The following CTC1 variants were observed in gnomAD, a reference collection of about 807,000 sequenced individuals.
CTC1 encodes CST complex subunit CTC1.
In CTC1, 91 loss-of-function variants were observed where a neutral mutation model predicts 136.3. That is an observed-to-expected ratio of 0.67 (90% CI 0.56 to 0.79). CTC1 has a LOEUF of 0.79. Among genes scored for constraint, CTC1 ranks in the 30% least tolerant of loss-of-function variants. CTC1 has a pLI of 0.00. For missense variants in CTC1, 1,432 were observed against 1,498.1 expected (o/e 0.96, Z 0.73); for synonymous variants, 606 against 613.8 (o/e 0.99, Z 0.19).
At chr17:8,239,228 GGAAAT>G (rs1466895393) in intron 2 of CTC1, among the ~76,000 whole-genome samples, 1 of 152,150 alleles carries the variant, frequency 6.6e-6, no homozygotes, top group African/African-American at 2.4e-5. Flanking sequence ...AGGGGCCTGA[GGAAAT>G]GAATGTGTGG....
In CTC1 at chr17:8,236,442, T is replaced by C. The variant is rs58532865; in HGVS notation, c.793-100A>G. 368,844 of 1,246,816 alleles carry C rather than the reference T, an allele frequency of 0.3. 56,528 individuals carry two copies. The highest frequency in any genetic ancestry group is 0.47 in the Admixed American group (20,376 of 42,940). 77.2% of individuals were successfully genotyped at this position (1,246,816 alleles called of 1,614,324 possible). On this transcript the variant is annotated intron_variant, in intron 5 of 22. Coordinates refer to ENST00000651323, the MANE Select transcript of CTC1 (RefSeq NM_025099.6). ...ACGATTTGAACTCAGAGACCTGCCCTCTGTGAGTCTCAACTCACCTCTCCA... is the reference window on the plus strand; with the variant it reads ...ACGATTTGAACTCAGAGACCTGCCCCCTGTGAGTCTCAACTCACCTCTCCA...
intron 7 of CTC1, 57 bp from the exon 8 acceptor site, chr17:8,235,342 C>T: frequency 7.3e-7 from 1 of 1,364,746 alleles, no homozygotes; most frequent in Non-Finnish European, 1.0e-6. Flanking sequence ...CTCAATGAAC[C>T]CAGGCAGAGT....
chr17:8,232,301 C>T (rs989256200), intron 12 of CTC1, 60 bp downstream of exon 12: 1 of 1,576,214 alleles, frequency 6.3e-7, no homozygotes. Context: ...CATCCCACTC[C>T]TTCCACCAGG....
Position 8,229,552 on chromosome 17 carries a change from G to T in CTC1, c.3012-106C>A, listed in dbSNP as rs1413999657. 5.5e-6 allele frequency: 5 copies of T among 911,510 alleles called. No homozygotes were observed. The Admixed American group carries it at 1.2e-4, about 21-fold the overall frequency. 56.5% of individuals were successfully genotyped at this position (911,510 alleles called of 1,614,324 possible). A position where few individuals can be genotyped will look rare whatever the true frequency, so the allele number is the denominator to read the frequency against. On this transcript the variant is annotated intron_variant, in intron 18 of 22. Transcript: ENST00000651323. Reference sequence around the variant, plus strand: ...AAGGACTTAGAGGGCATCAGGATGGGGACAGCAGTGGGTTCCATGCGCTCC... The same window carrying T: ...AAGGACTTAGAGGGCATCAGGATGGTGACAGCAGTGGGTTCCATGCGCTCC...
intron 2 of CTC1, among the ~76,000 whole-genome samples, chr17:8,239,223 C>T (rs1988016003): frequency 6.6e-6 from 1 of 151,712 alleles, no homozygotes. Context: ...GCATGAGGGG[C>T]CTGAGGAAAT....
rs191057012 is a variant in CTC1, at chr17:8,227,356, G to C, written c.*824C>G. ...CCCTAATTGTACGGTTGTGATTTCG[G>C]AGCACCTTCTGGTCTCAAGGTATAT... On this transcript the variant is annotated 3_prime_UTR_variant, in exon 23 of 23. Transcript: ENST00000651323. 5 of 152,238 alleles carry C rather than the reference G, an allele frequency of 3.3e-5. No individual in the cohort carries two copies. Among genetic ancestry groups the C allele is most frequent in the African/African-American group, 7.2e-5 (3 of 41,524 alleles). 9.4% of individuals were successfully genotyped at this position (152,238 alleles called of 1,614,324 possible). A position where few individuals can be genotyped will look rare whatever the true frequency, so the allele number is the denominator to read the frequency against.
chr17:8,235,916 T>C lies in CTC1; in HGVS notation c.1121A>G (p.Glu374Gly), dbSNP rs561634242. ...GVLNEPAGLY[E>G]LDGQLGLCLA... is the part of the protein sequence containing the mutation. ...GCAGAGCCCCAGCTGCCCATCCAGCTCATAGAGGCCAGCGGGCTCATTCAA... is the reference window on the plus strand; with the variant it reads ...GCAGAGCCCCAGCTGCCCATCCAGCCCATAGAGGCCAGCGGGCTCATTCAA... Residue 374 changes from glutamate (E) to glycine (G), a missense_variant, in exon 7 of 23, where the codon GAG (glutamate) becomes GGG (glycine). Physicochemically the swap from Glu to Gly is moderately conservative, Grantham distance 98 (BLOSUM62 -2). Transcript: ENST00000651323. 4 of 1,613,604 alleles carry C rather than the reference T, an allele frequency of 2.5e-6. No homozygotes were observed. In the Admixed American group the frequency reaches 6.7e-5, roughly 27 times the overall value.
Position 8,228,109 on chromosome 17 carries a change from G to A in CTC1, c.*71C>T, listed in dbSNP as rs116523089. On this transcript the variant is annotated 3_prime_UTR_variant, in exon 23 of 23. Transcript: ENST00000651323. ...CTTGGTTCAATCACAGAACAAGTAG[G>A]GAGAGGAGCCAGGACCTAGGCCTTC... 1.7e-4 allele frequency: 250 copies of A among 1,429,660 alleles called. 1 individual carries two copies. The African/African-American group carries it at 3.4e-3, about 19-fold the overall frequency. 88.6% of individuals were successfully genotyped at this position (1,429,660 alleles called of 1,614,324 possible).
rs1322075772 is a variant in CTC1, at chr17:8,225,661, G to A, written c.*2519C>T. On this transcript the variant is annotated 3_prime_UTR_variant, in exon 23 of 23. Transcript: ENST00000651323. ...TGCACCCTGCTGCACGAAACCTGGT[G>A]CCAGGCCAGGCCAGGCCAGCCGGAT... 2 of 152,212 alleles carry A rather than the reference G, an allele frequency of 1.3e-5. No individual in the cohort carries two copies. Among genetic ancestry groups the A allele is most frequent in the African/African-American group, 4.8e-5 (2 of 41,498 alleles). The allele number at this position is 152,212 out of a possible 1,614,324, so 9.4% of individuals were successfully genotyped here.
intron 7 of CTC1, 105 bp downstream of exon 7, chr17:8,235,726 T>C (rs1313428520): frequency 1.5e-6 from 2 of 1,304,494 alleles, no homozygotes; most frequent in Admixed American, 2.7e-5. Context: ...CACACACTTT[T>C]AATTTCTATA....
At position 8,230,430 on chromosome 17, in the gene CTC1, CTG is replaced by C. The variant is rs1483408351; in HGVS notation, c.2795_2796del (p.Thr932SerfsTer4). ...TCACATTCAGCAGTCTCAAGAGCGA[CTG>C]TTAGCTTCACACACCTTCTCATGGC... Reference protein sequence around the residue: ...TGAMRRCVKLTVALETAECEF... With the variant: ...TGAMRRCVKLXVALETAECEF... On this transcript the variant is annotated frameshift_variant, in exon 17 of 23. Coordinates refer to ENST00000651323, the MANE Select transcript of CTC1 (RefSeq NM_025099.6). LOFTEE classifies it high-confidence loss of function. 1 of 1,613,974 alleles carries C rather than the reference CTG, an allele frequency of 6.2e-7. No homozygotes were observed. Among genetic ancestry groups the C allele is most frequent in the African/African-American group, 1.3e-5 (1 of 74,930 alleles).
In CTC1 at chr17:8,228,179, G is replaced by T; in HGVS notation, c.*1C>A. 1 of 1,613,744 alleles carries T rather than the reference G, an allele frequency of 6.2e-7. No individual in the cohort carries two copies. Among genetic ancestry groups the T allele is most frequent in the Non-Finnish European group, 8.5e-7 (1 of 1,179,748 alleles). On this transcript the variant is annotated 3_prime_UTR_variant, in exon 23 of 23. Coordinates refer to ENST00000651323, the MANE Select transcript of CTC1 (RefSeq NM_025099.6). ...ACTCTCAGGCCATCCTTGCAGTTCA[G>T]TTAACAGGAGGAAGCAAGGATCCCC...
At chr17:8,246,612 T>C (rs1323991757) in intron 1 of CTC1, among the ~76,000 whole-genome samples, 1 of 152,064 alleles carries the variant, frequency 6.6e-6, no homozygotes, top group Non-Finnish European at 1.5e-5. Flanking sequence ...CCTGGCTGGG[T>C]GCAGTGGCTC....
intron 18 of CTC1, among the ~76,000 whole-genome samples, 195 bp downstream of exon 18, chr17:8,229,696 A>C (rs1477080003): frequency 6.6e-6 from 1 of 152,236 alleles, no homozygotes; most frequent in Non-Finnish European, 1.5e-5. Context: ...TCAAAAGCCT[A>C]GAACACTAAA....
In CTC1 at chr17:8,235,222, AG is replaced by A; in HGVS notation, c.1269del (p.Cys424AlafsTer39). 1 of 1,614,146 alleles carries A rather than the reference AG, an allele frequency of 6.2e-7. No individual in the cohort carries two copies. On this transcript the variant is annotated frameshift_variant, in exon 8 of 23. Transcript: ENST00000651323. LOFTEE classifies it high-confidence loss of function. ...GGGTRRPVLA[P>X]CLRGAVLLQS... ...TGAAGCAGAACGGCGCCACGGAGGCAGGGGGCGAGCACTGGCCTTCTTGTCC... is the reference window on the plus strand; with the variant it reads ...TGAAGCAGAACGGCGCCACGGAGGCAGGGGCGAGCACTGGCCTTCTTGTCC...
intron 2 of CTC1, among the ~76,000 whole-genome samples, chr17:8,238,947 C>T (rs1254270825): frequency 1.3e-5 from 2 of 151,814 alleles, no homozygotes; most frequent in Non-Finnish European, 2.9e-5. Context: ...AAAAAATTAG[C>T]CGAGCATGGT....
At position 8,234,530 on chromosome 17, in the gene CTC1, C is replaced by A. The variant is rs1256128659; in HGVS notation, c.1743G>T (p.Leu581=). ...ALLPLPEASY[L]PSCQLNRRLA... ...GGCGGCGATTGAGTTGGCAGCTGGG[C>A]AGGTAGGAGGCCTCCGGGAGGGGCA... Residue 581 remains leucine (L), a synonymous_variant, in exon 10 of 23, where the codon CTG becomes CTT. Transcript: ENST00000651323. 6.4e-7 allele frequency: 1 copy of A among 1,563,070 alleles called. No homozygotes were observed. The highest frequency in any genetic ancestry group is 1.4e-5 in the African/African-American group (1 of 73,846).
In CTC1 at chr17:8,226,383, T is replaced by C. The variant is rs1986671725; in HGVS notation, c.*1797A>G. The C allele has an allele frequency of 2.0e-5, 3 of 152,166 alleles. No homozygotes were observed. The highest frequency in any genetic ancestry group is 4.8e-5 in the African/African-American group (2 of 41,448). 9.4% of individuals were successfully genotyped at this position (152,166 alleles called of 1,614,324 possible). A position where few individuals can be genotyped will look rare whatever the true frequency, so the allele number is the denominator to read the frequency against. On this transcript the variant is annotated 3_prime_UTR_variant, in exon 23 of 23. Coordinates refer to ENST00000651323, the MANE Select transcript of CTC1 (RefSeq NM_025099.6). ...GGAACCCGGACCGAGCTTTTTCAGATCTTTCTAGAACTAATTTGGTAACTC... is the reference window on the plus strand; with the variant it reads ...GGAACCCGGACCGAGCTTTTTCAGACCTTTCTAGAACTAATTTGGTAACTC...
chr17:8,234,726 A>T, intron 9 of CTC1, 23 bp downstream of exon 9: 1 of 1,580,936 alleles, frequency 6.3e-7, no homozygotes, highest in Non-Finnish European at 8.6e-7. Context: ...TTCTGCCACC[A>T]TCCTTCCCCC....
Sources: gnomAD v4.1 joint callset for allele counts (sites outside exome capture counted in the v4.1 genomes callset) on GRCh38, gnomAD v4.1.1 for gene constraint, MANE v1.5 for transcripts, NCBI Gene and HGNC (gene_info 2026-07-23, HGNC 2026-07-21) for gene names.